SAMD11: variants seen among roughly 807,000 people sequenced by gnomAD.
SAMD11 encodes the protein sterile alpha motif domain-containing protein 11.
Under a neutral mutation model 64.4 loss-of-function variants are expected in SAMD11, and 77 were observed. That is an observed-to-expected ratio of 1.20 (90% CI 0.99 to 1.44). The LOEUF (loss-of-function observed/expected upper bound fraction) is 1.44. SAMD11 is among the 40% of genes most tolerant of loss of function. The pLI, the probability that SAMD11 is intolerant of heterozygous loss-of-function variation, is 0.00. For missense variants in SAMD11, 1,402 were observed against 943.3 expected (o/e 1.49, Z -6.37); for synonymous variants, 658 against 421.9 (o/e 1.56, Z -6.86).
intron 5 of SAMD11, among the ~76,000 whole-genome samples, chr1:936,955 C>T (rs532946560): frequency 2.4e-4 from 36 of 152,280 alleles, no homozygotes; most frequent in Admixed American, 9.1e-4. Context: ...GTGCGTGTGC[C>T]GGCATGTCTG....
intron 4 of SAMD11, among the ~76,000 whole-genome samples, chr1:931,637 C>A (rs1432810562): frequency 6.6e-6 from 1 of 152,298 alleles, no homozygotes; most frequent in East Asian, 1.9e-4. Context: ...GGCCTGTGGG[C>A]ACCGTCCTCC....
intron 5 of SAMD11, among the ~76,000 whole-genome samples, 192 bp from the exon 6 acceptor site, chr1:938,848 T>C (rs911558936): frequency 6.6e-6 from 1 of 152,154 alleles, no homozygotes; most frequent in African/African-American, 2.4e-5. Flanking sequence ...CCTGTGCCCC[T>C]GTCCCGCCAC....
Position 943,382 on chromosome 1 carries a change from G to A in SAMD11, c.2178+5G>A, listed in dbSNP as rs776954950. 1.3e-6 allele frequency: 2 copies of A among 1,528,414 alleles called. No individual in the cohort carries two copies. Among genetic ancestry groups the A allele is most frequent in the South Asian group, 1.3e-5 (1 of 79,394 alleles). 94.7% of individuals were successfully genotyped at this position (1,528,414 alleles called of 1,614,324 possible). A position where few individuals can be genotyped will look rare whatever the true frequency, so the allele number is the denominator to read the frequency against. On this transcript the variant is annotated splice_donor_5th_base_variant and intron_variant, in intron 12 of 13. Transcript: ENST00000616016. ...GGCTGTGGAGAGTACACTCGGGTAA[G>A]GGGGGGCCCCAGTTCCTGGGGCGGG...
rs1220206239 is a variant in SAMD11, at chr1:942,452, G to A, written c.1517G>A (p.Trp506Ter). The stretch of plus-strand genomic sequence containing the variant: ...CCCGCGCAGGCGGAGATGTTCGCCT[G>A]GCAGCAGGAGCTCCTGCGGAAGCAG... ...LPPAQAEMFAWQQELLRKQNL... is the reference protein window; with the variant it reads ...LPPAQAEMFA The change falls in exon 10 of 14, where the codon TGG becomes TAG. Residue 506 changes from tryptophan (W) to a stop codon, truncating the protein, a stop_gained. Coordinates refer to ENST00000616016, the MANE Select transcript of SAMD11 (RefSeq NM_001385641.1). LOFTEE classifies it high-confidence loss of function. 14 of 1,483,236 alleles carry A rather than the reference G, an allele frequency of 9.4e-6. No individual in the cohort carries two copies. In the East Asian group the frequency reaches 2.0e-4, roughly 22 times the overall value. The allele number at this position is 1,483,236 out of a possible 1,614,324, so 91.9% of individuals were successfully genotyped here.
intron 12 of SAMD11, 86 bp from the exon 13 acceptor site, chr1:943,612 G>A (rs1035613371): frequency 1.3e-5 from 18 of 1,378,612 alleles, no homozygotes; most frequent in Non-Finnish European, 1.5e-5. Flanking sequence ...ATTTCCGTGA[G>A]CTGCACAAAC....
intron 1 of SAMD11, chr1:925,280 C>A (rs1367959916): frequency 6.6e-6 from 1 of 152,304 alleles, no homozygotes; most frequent in Admixed American, 6.6e-5. Context: ...GGGCGCGGAG[C>A]CCCGGGTTCG....
rs1641810980 is a variant in SAMD11, at chr1:942,119, T to G, written c.1359-17T>G. On this transcript the variant is annotated splice_polypyrimidine_tract_variant and intron_variant, in intron 8 of 13. Coordinates refer to ENST00000616016, the MANE Select transcript of SAMD11 (RefSeq NM_001385641.1). ...CGGGGGCGGGGGGGACGCCGCTCAT[T>G]GCGCTGCCGTCCACAGGGAGCTGCC... The G allele has an allele frequency of 1.0e-6, 1 of 975,212 alleles. No individual in the cohort carries two copies. Among genetic ancestry groups the G allele is most frequent in the African/African-American group, 1.7e-5 (1 of 58,868 alleles). 60.4% of individuals were successfully genotyped at this position (975,212 alleles called of 1,614,324 possible). A position where few individuals can be genotyped will look rare whatever the true frequency, so the allele number is the denominator to read the frequency against.
intron 2 of SAMD11, among the ~76,000 whole-genome samples, chr1:927,282 G>A (rs1011739945): frequency 3.9e-5 from 6 of 152,190 alleles, no homozygotes; most frequent in African/African-American, 1.2e-4. Context: ...GCTCCTCTGG[G>A]CAGCCCGCTG....
At chr1:941,838 G>GCCCCCGCTT (rs1209742731) in intron 8 of SAMD11, among the ~76,000 whole-genome samples, 2 of 152,094 alleles carry the variant, frequency 1.3e-5, no homozygotes, top group Non-Finnish European at 2.9e-5. Flanking sequence ...GGCTAATGAC[G>GCCCCCGCTT]CCCCCGCTTC....
In SAMD11 at chr1:941,323, C is replaced by T. The variant is rs765159245; in HGVS notation, c.1358+17C>T. 2.0e-5 allele frequency: 31 copies of T among 1,533,854 alleles called. No homozygotes were observed. The African/African-American group carries it at 3.0e-4, about 15-fold the overall frequency. ...CTCGGAGAGGTACTGGGGTGGCTGC[C>T]GTTCTCTGCTTGTTTCTGGGGTGCC... On this transcript the variant is annotated intron_variant, in intron 8 of 13. Transcript: ENST00000616016.
rs536409422 is a variant in SAMD11 at position 935,870 on chromosome 1, G to T, written c.941G>T (p.Ser314Ile). 3.2e-5 allele frequency: 52 copies of T among 1,612,884 alleles called. No individual in the cohort carries two copies. The highest frequency in any genetic ancestry group is 4.2e-5 in the Non-Finnish European group (50 of 1,179,830). The change falls in exon 5 of 14, where the codon AGC becomes ATC. Residue 314 changes from serine (S) to isoleucine (I), a missense_variant. Transcript: ENST00000616016. Reference protein sequence around the residue: ...HQSRCEFQRGSLEIGLRPAGD... With the variant: ...HQSRCEFQRGILEIGLRPAGD... ...AGCCGCTGTGAATTCCAGAGAGGCA[G>T]CCTGGAGATTGGCCTGCGACCCGCC...
rs758006081 is a variant in SAMD11 at position 942,730 on chromosome 1, C to A, written c.1725C>A (p.Pro575=). The change falls in exon 11 of 14, where the codon CCC becomes CCA. Residue 575 remains proline, a synonymous_variant. Transcript: ENST00000616016. ...HGAAPLLALP[P]QGPPGSGPPT... is the part of the protein sequence containing the mutation. ...CGGCGCCACTGCTGGCCCTGCCCCCCCAGGGGCCCCCGGGCTCCGGACCCC... is the reference window on the plus strand; with the variant it reads ...CGGCGCCACTGCTGGCCCTGCCCCCACAGGGGCCCCCGGGCTCCGGACCCC... 2.2e-5 allele frequency: 33 copies of A among 1,471,810 alleles called. No homozygotes were observed. Among genetic ancestry groups the A allele is most frequent in the Non-Finnish European group, 2.9e-5 (32 of 1,121,306 alleles). 91.2% of individuals were successfully genotyped at this position (1,471,810 alleles called of 1,614,324 possible).
Position 930,163 on chromosome 1 carries a change from G to T in SAMD11, c.618G>T (p.Gly206=), listed in dbSNP as rs370992396. The change falls in exon 3 of 14, where the codon GGG becomes GGT. Residue 206 remains glycine, a synonymous_variant. Transcript: ENST00000616016. ...GCRISSPVNR[G]RLADKRTVAL... ...TCCTCCTGCCCCACCAGAACCGGGG[G>T]CGGCTGGCAGACAAGAGGACAGTCG... is the stretch of plus-strand genomic sequence containing the variant. 6.4e-7 allele frequency: 1 copy of T among 1,555,892 alleles called. No individual in the cohort carries two copies. The highest frequency in any genetic ancestry group is 8.7e-7 in the Non-Finnish European group (1 of 1,150,078).
rs1050144420 is a variant in SAMD11 at position 942,684 on chromosome 1, T to C, written c.1679T>C (p.Leu560Pro). The change falls in exon 11 of 14, where the codon CTG (leucine) becomes CCG (proline). Residue 560 changes from leucine (L) to proline (P), a missense_variant. Coordinates refer to ENST00000616016, the MANE Select transcript of SAMD11 (RefSeq NM_001385641.1). ...GAEELQRRGA[L>P]LVLNHGAAPL... Reference sequence around the variant, plus strand: ...GAGGAGCTGCAGCGGCGCGGGGCCCTGCTGGTGCTGAACCACGGCGCGGCG... The same window carrying C: ...GAGGAGCTGCAGCGGCGCGGGGCCCCGCTGGTGCTGAACCACGGCGCGGCG... 5.9e-5 allele frequency: 85 copies of C among 1,438,518 alleles called. No homozygotes were observed. The highest frequency in any genetic ancestry group is 7.0e-5 in the Non-Finnish European group (77 of 1,105,816). The allele number at this position is 1,438,518 out of a possible 1,614,324, so 89.1% of individuals were successfully genotyped here. A position where few individuals can be genotyped will look rare whatever the true frequency, so the allele number is the denominator to read the frequency against.
At chr1:942,029 G>C (rs1440200291) in intron 8 of SAMD11, 107 bp from the exon 9 acceptor site, 3 of 434,842 alleles carry the variant, frequency 6.9e-6, no homozygotes, top group South Asian at 9.1e-5. Flanking sequence ...GCTGCGCATC[G>C]ACCGCCCGCG....
chr1:936,601 G>T (rs937817709), intron 5 of SAMD11, among the ~76,000 whole-genome samples: 1 of 152,134 alleles, frequency 6.6e-6, no homozygotes, highest in Non-Finnish European at 1.5e-5. Flanking sequence ...AGGGCAGGCC[G>T]TGAAAGGAGG....
At chr1:927,004 CA>C (rs570391168) in intron 2 of SAMD11, among the ~76,000 whole-genome samples, 1,941 of 152,226 alleles carry the variant, frequency 0.013, 23 homozygotes, top group Non-Finnish European at 0.017. Context: ...GTGCCGTAGC[CA>C]GGGAGCTGGG....
rs1344259648 is a variant in SAMD11 at position 944,364 on chromosome 1, G to A, written c.*211G>A. 8.7e-5 allele frequency: 118 copies of A among 1,357,466 alleles called. No homozygotes were observed. The highest frequency in any genetic ancestry group is 1.0e-4 in the Non-Finnish European group (106 of 1,060,982). 84.1% of individuals were successfully genotyped at this position (1,357,466 alleles called of 1,614,324 possible). On this transcript the variant is annotated 3_prime_UTR_variant, in exon 14 of 14. Transcript: ENST00000616016. ...GTGCAGATGGACGAGGTCTGCAGAC[G>A]GAGGGCAGAGGTGGTGGAAGGGGCC...
intron 1 of SAMD11, 94 bp from the exon 2 acceptor site, chr1:925,828 G>C (rs1201458739): frequency 3.4e-6 from 3 of 892,296 alleles, no homozygotes; most frequent in East Asian, 4.9e-5. Context: ...GGTGTATTTC[G>C]TCCACGAGCC....
Sources: gnomAD v4.1 joint callset for allele counts (sites outside exome capture counted in the v4.1 genomes callset) on GRCh38, gnomAD v4.1.1 for gene constraint, MANE v1.5 for transcripts, NCBI Gene and HGNC (gene_info 2026-07-23, HGNC 2026-07-21) for gene names.